Variants in CSGALNACT1 observed in about 807,000 individuals in gnomAD.
CSGALNACT1 encodes the protein chondroitin sulfate N-acetylgalactosaminyltransferase 1.
CSGALNACT1 carries 52 observed loss-of-function variants against 51.0 expected under a neutral mutation model. That is an observed-to-expected ratio of 1.02 (90% CI 0.82 to 1.29). CSGALNACT1 has a LOEUF of 1.29. Ranked by LOEUF, CSGALNACT1 falls within the 50% of genes most tolerant of loss-of-function variation. The pLI, the probability that CSGALNACT1 is intolerant of heterozygous loss-of-function variation, is 0.00. For missense variants in CSGALNACT1, 935 were observed against 679.2 expected (o/e 1.38, Z -4.19); for synonymous variants, 341 against 254.4 (o/e 1.34, Z -3.24).
chr8:19,675,788 C>T (rs1275904996), intron 1 of CSGALNACT1, among the ~76,000 whole-genome samples: 1 of 152,004 alleles, frequency 6.6e-6, no homozygotes, highest in East Asian at 1.9e-4. Context: ...GTGCCCTGCG[C>T]CCTAATTCTA....
At chr8:19,408,560 C>T (rs564151668) in intron 9 of CSGALNACT1, 53 bp downstream of exon 8, 56 of 1,417,020 alleles carry the variant, frequency 4.0e-5, no homozygotes, top group Non-Finnish European at 5.3e-5. Flanking sequence ...TCCTTCAAGG[C>T]CTACATGGGC....
upstream of CSGALNACT1, among the ~76,000 whole-genome samples, chr8:19,603,624 G>C (rs1048560094): frequency 1.3e-5 from 2 of 152,210 alleles, no homozygotes; most frequent in African/African-American, 4.8e-5. Context: ...GCCAAGAGTT[G>C]AAATAAGCTT....
intron 3 of CSGALNACT1, among the ~76,000 whole-genome samples, chr8:19,521,546 G>C (rs2080707331): frequency 6.6e-6 from 1 of 152,132 alleles, no homozygotes; most frequent in African/African-American, 2.4e-5. Flanking sequence ...ATCCAAGCTT[G>C]GTGGTGTGCG....
chr8:19,748,515 G>A (rs889031302), intron 1 of CSGALNACT1, among the ~76,000 whole-genome samples: 19 of 152,052 alleles, frequency 1.2e-4, no homozygotes, highest in African/African-American at 4.6e-4. Flanking sequence ...TCTTTTCCAT[G>A]TTTCTTTCCC....
intron 3 of CSGALNACT1, among the ~76,000 whole-genome samples, chr8:19,567,957 G>A (rs2042228459): frequency 6.6e-6 from 1 of 152,066 alleles, no homozygotes; most frequent in African/African-American, 2.4e-5. Context: ...ACATAACTAT[G>A]AAAATGATGT....
chr8:19,497,347 A>C (rs2075671813), intron 4 of CSGALNACT1, among the ~76,000 whole-genome samples: 1 of 152,138 alleles, frequency 6.6e-6, no homozygotes, highest in African/African-American at 2.4e-5. Flanking sequence ...CAGGGAAAAC[A>C]ACCTCTACCC....
chr8:19,408,949 A>AACACACACAAACACACACAC (rs2054969642), intron 8 of CSGALNACT1, among the ~76,000 whole-genome samples: 1 of 142,216 alleles, frequency 7.0e-6, no homozygotes, highest in Non-Finnish European at 1.5e-5. Flanking sequence ...TAGATATGAA[A>AACACACACAAACACACACAC]ACACACACAC....
intron 3 of CSGALNACT1, among the ~76,000 whole-genome samples, chr8:19,540,352 G>A (rs1392596897): frequency 2.0e-5 from 3 of 152,104 alleles, no homozygotes; most frequent in Admixed American, 6.5e-5. Context: ...TGTTACCTGG[G>A]TCGGGATTAT....
At chr8:19,732,348 T>C (rs1365445647) in intron 1 of CSGALNACT1, 1 of 152,186 alleles carries the variant, frequency 6.6e-6, no homozygotes, top group East Asian at 1.9e-4. Flanking sequence ...TCAATCAATG[T>C]CTACTGTGGT....
intron 6 of CSGALNACT1, among the ~76,000 whole-genome samples, chr8:19,439,552 G>A (rs1586038690): frequency 1.3e-5 from 2 of 152,150 alleles, no homozygotes; most frequent in South Asian, 4.1e-4. Context: ...CAGTTATATG[G>A]AAGCTCAAAG....
At chr8:19,563,828 G>A (rs547737591) in intron 3 of CSGALNACT1, among the ~76,000 whole-genome samples, 5 of 152,132 alleles carry the variant, frequency 3.3e-5, no homozygotes, top group Admixed American at 6.6e-5. Flanking sequence ...CCTTCCTTGC[G>A]TAACACTCAA....
At chr8:19,564,275 G>A (rs1233940322) in intron 3 of CSGALNACT1, among the ~76,000 whole-genome samples, 5 of 151,980 alleles carry the variant, frequency 3.3e-5, no homozygotes, top group Non-Finnish European at 7.4e-5. Flanking sequence ...ACCCATGCTG[G>A]TTTCCTGTTA....
chr8:19,653,328 C>A (rs2057986118), intron 1 of CSGALNACT1, among the ~76,000 whole-genome samples: 1 of 152,174 alleles, frequency 6.6e-6, no homozygotes, highest in Non-Finnish European at 1.5e-5. Context: ...CAGCAATCCT[C>A]CCCTCTCTGG....
At chr8:19,623,007 A>G (rs2054012567) in intron 1 of CSGALNACT1, among the ~76,000 whole-genome samples, 1 of 152,216 alleles carries the variant, frequency 6.6e-6, no homozygotes, top group South Asian at 2.1e-4. Context: ...GCACATGTAT[A>G]CGTAGGTAAC....
At chr8:19,619,413 G>A (rs1276305253) in intron 1 of CSGALNACT1, among the ~76,000 whole-genome samples, 1 of 152,130 alleles carries the variant, frequency 6.6e-6, no homozygotes, top group Non-Finnish European at 1.5e-5. Context: ...ATGGAGCCAT[G>A]TCCTAAGTGC....
At chr8:19,476,336 T>C (rs2069631713) in intron 4 of CSGALNACT1, among the ~76,000 whole-genome samples, 1 of 152,102 alleles carries the variant, frequency 6.6e-6, no homozygotes, top group Non-Finnish European at 1.5e-5. Context: ...CCTTCCGAGT[T>C]CAAGCGATTC....
At chr8:19,631,393 G>C (rs1353371492) in intron 1 of CSGALNACT1, among the ~76,000 whole-genome samples, 1 of 152,116 alleles carries the variant, frequency 6.6e-6, no homozygotes, top group Non-Finnish European at 1.5e-5. Flanking sequence ...TCTAACAGGC[G>C]GGTCTCTTGG....
At chr8:19,554,381 G>A (rs1315036749) in intron 3 of CSGALNACT1, among the ~76,000 whole-genome samples, 1 of 152,152 alleles carries the variant, frequency 6.6e-6, no homozygotes, top group Non-Finnish European at 1.5e-5. Context: ...GAGGCAGACG[G>A]TGAGAGGAGC....
intron 3 of CSGALNACT1, among the ~76,000 whole-genome samples, chr8:19,561,498 G>A (rs1299748095): frequency 6.6e-6 from 1 of 151,936 alleles, no homozygotes; most frequent in Non-Finnish European, 1.5e-5. Flanking sequence ...CTCTTCACTT[G>A]CAAGCCCTCT....
Sources: allele counts gnomAD v4.1 joint callset (sites outside exome capture counted in the v4.1 genomes callset), GRCh38; gene constraint gnomAD v4.1.1; transcripts MANE v1.5; gene names NCBI Gene and HGNC (gene_info 2026-07-23, HGNC 2026-07-21).